Variants in ST7L observed in about 807,000 individuals in gnomAD.
ST7L encodes the protein suppression of tumorigenicity 7 like, also known as suppressor of tumorigenicity 7 protein-like.
In ST7L, 57 loss-of-function variants were observed where a neutral mutation model predicts 72.5. The observed-to-expected ratio is 0.79, with a 90% confidence interval of 0.64 to 0.98. ST7L has a LOEUF of 0.98. Ranked by LOEUF, ST7L falls within the 50% of genes least tolerant of loss-of-function variation. ST7L has a pLI of 0.00. For missense variants in ST7L, 576 were observed against 672.2 expected (o/e 0.86, Z 1.58); for synonymous variants, 221 against 240.9 (o/e 0.92, Z 0.77).
chr1:112,619,047 G>A lies in ST7L; in HGVS notation c.67C>T (p.Leu23=), dbSNP rs2101117809. 2 of 1,613,978 alleles carry A rather than the reference G, an allele frequency of 1.2e-6. No individual in the cohort carries two copies. Among genetic ancestry groups the A allele is most frequent in the South Asian group, 2.2e-5 (2 of 91,076 alleles). The stretch of plus-strand genomic sequence containing the variant: ...TCCCTCCAGCCTAGCGTCGGGTTTA[G>A]GCCAGGGACAGATGCAGGAGACGCT... The part of the protein sequence containing the change: ...VGASPASVPG[L]NPTLGWRERL... Residue 23 remains leucine (L), a synonymous_variant, in exon 1 of 15, where the codon CTA becomes TTA. Transcript: ENST00000358039.
At chr1:112,532,282 A>G (rs1179295289) in intron 14 of ST7L, among the ~76,000 whole-genome samples, 1 of 152,196 alleles carries the variant, frequency 6.6e-6, no homozygotes, top group African/African-American at 2.4e-5. Context: ...ACTGTGACTG[A>G]AGGAAAACCA....
chr1:112,559,626 CTTA>C (rs1316955025), intron 11 of ST7L, among the ~76,000 whole-genome samples: 2 of 152,142 alleles, frequency 1.3e-5, no homozygotes, highest in East Asian at 3.8e-4. Flanking sequence ...ACATGGCACA[CTTA>C]TTAAGAAATT....
intron 12 of ST7L, among the ~76,000 whole-genome samples, chr1:112,552,882 T>C (rs927877650): frequency 2.0e-5 from 3 of 151,898 alleles, no homozygotes; most frequent in Non-Finnish European, 4.4e-5. Context: ...GGTGGAAGGA[T>C]TGCCTGAGGC....
intron 9 of ST7L, among the ~76,000 whole-genome samples, chr1:112,578,934 A>G (rs1663602876): frequency 6.6e-6 from 1 of 152,234 alleles, no homozygotes; most frequent in Non-Finnish European, 1.5e-5. Context: ...CTGAATCTTT[A>G]TCTTACTATT....
chr1:112,547,561 C>CTTTTTTTTTTTTTTTTTT (rs59755766), intron 13 of ST7L, among the ~76,000 whole-genome samples: 1 of 61,982 alleles, frequency 1.6e-5, no homozygotes, highest in African/African-American at 6.4e-5. Context: ...TCTTTGTCAT[C>CTTTTTTTTTTTTTTTTTT]TTTTTTTTTT....
chr1:112,578,504 G>GA, intron 9 of ST7L, 87 bp from the exon 10 acceptor site: 11 of 1,175,588 alleles, frequency 9.4e-6, no homozygotes, highest in East Asian at 2.4e-5. Flanking sequence ...GGCCAGGCAT[G>GA]GTGGCTCATG....
At chr1:112,561,160 C>A (rs1204576136) in intron 11 of ST7L, among the ~76,000 whole-genome samples, 1 of 151,306 alleles carries the variant, frequency 6.6e-6, no homozygotes, top group South Asian at 2.1e-4. Flanking sequence ...AAAAACTGAC[C>A]GATGATTTTT....
At chr1:112,556,985 C>CAAAAAAAAA (rs1196828305) in intron 11 of ST7L, among the ~76,000 whole-genome samples, 2 of 82,106 alleles carry the variant, frequency 2.4e-5, no homozygotes, top group African/African-American at 1.0e-4. Flanking sequence ...AAAAAAAAAA[C>CAAAAAAAAA]AAAAAAAAAA....
intron 11 of ST7L, among the ~76,000 whole-genome samples, chr1:112,557,263 C>T (rs1279561771): frequency 6.6e-6 from 1 of 152,116 alleles, no homozygotes; most frequent in Non-Finnish European, 1.5e-5. Context: ...CCTAGTCCCC[C>T]AACCCCCTTA....
At chr1:112,555,669 CT>C (rs1484560070) in intron 12 of ST7L, among the ~76,000 whole-genome samples, 198 bp downstream of exon 12, 1 of 152,200 alleles carries the variant, frequency 6.6e-6, no homozygotes, top group Non-Finnish European at 1.5e-5. Context: ...ATAACAATTT[CT>C]CATTCTGCTT....
intron 14 of ST7L, among the ~76,000 whole-genome samples, chr1:112,536,265 AT>A (rs1170865196): frequency 2.0e-5 from 3 of 152,200 alleles, no homozygotes; most frequent in Non-Finnish European, 4.4e-5. Flanking sequence ...CATTAATTTA[AT>A]TTCTGAATGT....
At chr1:112,528,804 T>C (rs1653878300) in intron 14 of ST7L, 1 of 152,220 alleles carries the variant, frequency 6.6e-6, no homozygotes. Context: ...AGCAGATTTA[T>C]CGTATCTGAG....
chr1:112,560,971 A>C (rs1660025336), intron 11 of ST7L, among the ~76,000 whole-genome samples: 1 of 152,048 alleles, frequency 6.6e-6, no homozygotes, highest in African/African-American at 2.4e-5. Flanking sequence ...CTTAAAGAAA[A>C]AAAAAAAAAA....
At position 112,619,079 on chromosome 1, in the gene ST7L, G is replaced by A; in HGVS notation, c.35C>T (p.Ala12Val). The A allele has an allele frequency of 1.2e-6, 2 of 1,613,468 alleles. No homozygotes were observed. The highest frequency in any genetic ancestry group is 1.7e-6 in the Non-Finnish European group (2 of 1,179,946). ...GACAGATGCAGGAGACGCTCCAACA[G>A]CTGCGGCTTCACCCACGCCGCCACG... The part of the protein sequence containing the change: ...ADRGGVGEAA[A>V]VGASPASVPG... The change falls in exon 1 of 15, where the codon GCT becomes GTT. Residue 12 changes from alanine (A) to valine (V), a missense_variant. Physicochemically the swap from Ala to Val is moderately conservative, Grantham distance 64. Coordinates refer to ENST00000358039, the MANE Select transcript of ST7L (RefSeq NM_017744.5).
intron 2 of ST7L, among the ~76,000 whole-genome samples, chr1:112,616,482 C>T (rs1261719334): frequency 1.3e-5 from 2 of 152,158 alleles, no homozygotes; most frequent in Non-Finnish European, 2.9e-5. Context: ...GTGCCTCACG[C>T]CTGTAATCCC....
intron 6 of ST7L, among the ~76,000 whole-genome samples, chr1:112,588,547 G>A (rs1228380914): frequency 6.6e-6 from 1 of 152,124 alleles, no homozygotes; most frequent in African/African-American, 2.4e-5. Flanking sequence ...TGTAGTTCTT[G>A]TCTTTTGGTC....
At position 112,523,770 on chromosome 1, in the gene ST7L, A is replaced by T. The variant is rs1010648255; in HGVS notation, c.*2243T>A. On this transcript the variant is annotated 3_prime_UTR_variant, in exon 15 of 15. Transcript: ENST00000358039. Reference sequence around the variant, plus strand: ...TGCTATTTAGATACAAACTTAAAACATACTATATATTTTAAGGATCTAAGA... The same window carrying T: ...TGCTATTTAGATACAAACTTAAAACTTACTATATATTTTAAGGATCTAAGA... 1.1e-4 allele frequency: 16 copies of T among 152,182 alleles called. No homozygotes were observed. The highest frequency in any genetic ancestry group is 3.9e-4 in the African/African-American group (16 of 41,438). The allele number at this position is 152,182 out of a possible 1,614,324, so 9.4% of individuals were successfully genotyped here.
chr1:112,541,205 A>G (rs1429549408), intron 14 of ST7L, among the ~76,000 whole-genome samples: 1 of 151,702 alleles, frequency 6.6e-6, no homozygotes, highest in Non-Finnish European at 1.5e-5. Flanking sequence ...GGACTGTTGA[A>G]CCCAGGAGGC....
intron 11 of ST7L, among the ~76,000 whole-genome samples, chr1:112,557,469 A>G (rs1185870737): frequency 1.3e-5 from 2 of 152,142 alleles, no homozygotes; most frequent in Admixed American, 6.5e-5. Context: ...TATGGTATAT[A>G]TGTTCTGTTT....
Sources: allele counts gnomAD v4.1 joint callset (sites outside exome capture counted in the v4.1 genomes callset), GRCh38; gene constraint gnomAD v4.1.1; transcripts MANE v1.5; gene names NCBI Gene and HGNC (gene_info 2026-07-23, HGNC 2026-07-21).